The following CDK14 variants were observed in gnomAD, a reference collection of about 807,000 sequenced individuals.
CDK14 encodes cyclin-dependent kinase 14.
In CDK14, 34 loss-of-function variants were observed where a neutral mutation model predicts 60.7. That is an observed-to-expected ratio of 0.56 (90% CI 0.43 to 0.75). CDK14 has a LOEUF of 0.75. Ranked by LOEUF, CDK14 falls within the 30% of genes least tolerant of loss-of-function variation. The pLI is 0.00. For missense variants in CDK14, 482 were observed against 564.1 expected (o/e 0.85, Z 1.47); for synonymous variants, 197 against 203.7 (o/e 0.97, Z 0.28).
At chr7:90,773,990 A>G (rs1584878156) in intron 4 of CDK14, among the ~76,000 whole-genome samples, 1 of 142,424 alleles carries the variant, frequency 7.0e-6, no homozygotes. Flanking sequence ...TGCAATATCC[A>G]TCTCCTGTGT....
At chr7:90,926,665 C>G (rs1325892870) in intron 8 of CDK14, among the ~76,000 whole-genome samples, 1 of 152,126 alleles carries the variant, frequency 6.6e-6, no homozygotes, top group Non-Finnish European at 1.5e-5. Context: ...TTCCCCACAC[C>G]AATAACCAAT....
intron 4 of CDK14, among the ~76,000 whole-genome samples, chr7:90,786,650 G>A (rs1044920263): frequency 1.3e-5 from 2 of 152,084 alleles, no homozygotes; most frequent in African/African-American, 4.8e-5. Context: ...GGACACAGTG[G>A]TTCACACCTT....
chr7:90,720,818 T>C (rs761203029), intron 2 of CDK14, among the ~76,000 whole-genome samples: 5 of 152,120 alleles, frequency 3.3e-5, no homozygotes, highest in Admixed American at 2.6e-4. Context: ...TTTGTAATCT[T>C]TACAGGACCA....
chr7:90,715,940 T>TG (rs1276608293), intron 2 of CDK14, among the ~76,000 whole-genome samples: 1 of 151,288 alleles, frequency 6.6e-6, no homozygotes, highest in Non-Finnish European at 1.5e-5. Flanking sequence ...TGTTGAGGGG[T>TG]GGGGGGAATA....
intron 2 of CDK14, among the ~76,000 whole-genome samples, chr7:90,696,752 A>C (rs966658817): frequency 1.3e-5 from 2 of 152,088 alleles, no homozygotes; most frequent in African/African-American, 4.8e-5. Flanking sequence ...CTAAAGAGGG[A>C]GTGTAGGCAG....
intron 2 of CDK14, among the ~76,000 whole-genome samples, chr7:90,625,193 G>C (rs905419386): frequency 1.8e-4 from 27 of 151,998 alleles, no homozygotes; most frequent in African/African-American, 6.5e-4. Flanking sequence ...AAAAAAACCT[G>C]GCCAGGCGTG....
chr7:91,188,204 C>T (rs562763620), intron 14 of CDK14, among the ~76,000 whole-genome samples: 1 of 151,910 alleles, frequency 6.6e-6, no homozygotes, highest in Non-Finnish European at 1.5e-5. Flanking sequence ...AAAAAAAGAA[C>T]TTTGATTTCT....
chr7:90,662,425 G>GATGGGGACATTAAA (rs1473031539), intron 2 of CDK14, among the ~76,000 whole-genome samples: 1 of 152,266 alleles, frequency 6.6e-6, no homozygotes, highest in African/African-American at 2.4e-5. Flanking sequence ...CAAAGCCAGA[G>GATGGGGACATTAAA]ATGGGGACAT....
chr7:90,714,184 C>T (rs906378904), intron 2 of CDK14, among the ~76,000 whole-genome samples: 5 of 152,088 alleles, frequency 3.3e-5, no homozygotes, highest in Admixed American at 1.3e-4. Context: ...TGTTTATCAT[C>T]TGGCAGACTT....
intron 11 of CDK14, among the ~76,000 whole-genome samples, chr7:91,061,729 G>A (rs1384119785): frequency 6.6e-6 from 1 of 152,228 alleles, no homozygotes; most frequent in Non-Finnish European, 1.5e-5. Flanking sequence ...TTGGTGAATA[G>A]CAAATGTTGC....
intron 10 of CDK14, among the ~76,000 whole-genome samples, chr7:91,011,388 C>T (rs1297561484): frequency 6.6e-6 from 1 of 152,098 alleles, no homozygotes; most frequent in South Asian, 2.1e-4. Flanking sequence ...CTCTTTATCA[C>T]TGGTTTTAAG....
Position 91,004,392 on chromosome 7 carries a change from C to T in CDK14, c.1041+20151C>T, listed in dbSNP as rs370530072. On this transcript the variant is annotated intron_variant, in intron 10 of 14. Transcript: ENST00000380050. ...TAACTTAGATGAAATGGACAAGTTC[C>T]TTGAAATATACAAACCTATTAAAGC... is the stretch of plus-strand genomic sequence containing the variant. 2.0e-5 allele frequency among the ~76,000 whole-genome samples: 3 copies of T among 152,256 alleles called. No individual in the cohort carries two copies. The East Asian group carries it at 5.8e-4, about 29-fold the overall frequency.
intron 7 of CDK14, among the ~76,000 whole-genome samples, chr7:90,904,660 A>G (rs1792635348): frequency 6.6e-6 from 1 of 151,870 alleles, no homozygotes; most frequent in Non-Finnish European, 1.5e-5. Context: ...AAAAGGAGGG[A>G]ATCATTAAAG....
intron 8 of CDK14, among the ~76,000 whole-genome samples, chr7:90,918,150 A>G (rs1474103119): frequency 2.0e-5 from 3 of 152,216 alleles, no homozygotes; most frequent in Non-Finnish European, 4.4e-5. Flanking sequence ...TATTTTGCCA[A>G]ACTTGGAGAA....
intron 9 of CDK14, among the ~76,000 whole-genome samples, chr7:90,956,479 T>C (rs1055615933): frequency 3.3e-5 from 5 of 152,256 alleles, no homozygotes; most frequent in African/African-American, 9.6e-5. Flanking sequence ...AATAAGGGAA[T>C]AATCTAATTT....
intron 2 of CDK14, among the ~76,000 whole-genome samples, chr7:90,712,145 A>G (rs759293698): frequency 6.6e-6 from 1 of 151,968 alleles, no homozygotes; most frequent in Non-Finnish European, 1.5e-5. Context: ...AAATATATAT[A>G]ACACAAATCT....
At chr7:91,139,551 C>T (rs901587507) in intron 14 of CDK14, among the ~76,000 whole-genome samples, 10 of 152,154 alleles carry the variant, frequency 6.6e-5, no homozygotes, top group African/African-American at 2.2e-4. Context: ...TCACTCTCCA[C>T]ATCAAAGTAG....
At chr7:90,968,625 T>C (rs1299550015) in intron 9 of CDK14, among the ~76,000 whole-genome samples, 1 of 152,214 alleles carries the variant, frequency 6.6e-6, no homozygotes, top group African/African-American at 2.4e-5. Flanking sequence ...TCTTCCTTTA[T>C]TGTTAGCTTT....
At chr7:90,810,014 G>C (rs527933320) in intron 5 of CDK14, among the ~76,000 whole-genome samples, 1 of 152,272 alleles carries the variant, frequency 6.6e-6, no homozygotes, top group Admixed American at 6.5e-5. Context: ...GGACCAGATG[G>C]ATTCATAGCT....
Sources: gnomAD v4.1 joint callset for allele counts (sites outside exome capture counted in the v4.1 genomes callset) on GRCh38, gnomAD v4.1.1 for gene constraint, MANE v1.5 for transcripts, NCBI Gene and HGNC (gene_info 2026-07-23, HGNC 2026-07-21) for gene names.